PRKCH: variants seen among roughly 807,000 people sequenced by gnomAD.
The protein encoded by PRKCH is protein kinase C eta type.
Under a neutral mutation model 82.5 loss-of-function variants are expected in PRKCH, and 28 were observed. The observed-to-expected ratio is 0.34, with a 90% confidence interval of 0.25 to 0.47. The LOEUF is 0.47. Among genes scored for constraint, PRKCH ranks in the 20% least tolerant of loss-of-function variants. The probability of loss-of-function intolerance (pLI) is 1.00; values close to 1 mark genes in which losing one functional copy is unlikely to be tolerated. For missense variants in PRKCH, 705 were observed against 881.8 expected (o/e 0.80, Z 2.54); for synonymous variants, 322 against 327.4 (o/e 0.98, Z 0.18).
intron 9 of PRKCH, among the ~76,000 whole-genome samples, chr14:61,474,334 G>A (rs1885633986): frequency 6.6e-6 from 1 of 152,186 alleles, no homozygotes; most frequent in Non-Finnish European, 1.5e-5. Flanking sequence ...CTTTTAAGCT[G>A]TTTCTGATGA....
At chr14:61,450,591 A>C (rs897857941) in intron 5 of PRKCH, among the ~76,000 whole-genome samples, 2 of 152,330 alleles carry the variant, frequency 1.3e-5, no homozygotes, top group South Asian at 4.1e-4. Context: ...TGAAAATCTT[A>C]ATTTTTATTT....
chr14:61,530,697 TCTAA>T (rs2043035046), intron 12 of PRKCH, 102 bp downstream of exon 12: 2 of 1,095,162 alleles, frequency 1.8e-6, no homozygotes, highest in Non-Finnish European at 2.5e-6. Flanking sequence ...AACCACTAGC[TCTAA>T]CTAAAATTTG....
At chr14:61,244,570 A>C (rs1295269208) in intron 1 of PRKCH, among the ~76,000 whole-genome samples, 2 of 152,168 alleles carry the variant, frequency 1.3e-5, no homozygotes, top group Non-Finnish European at 2.9e-5. Context: ...AGTGCTCCTA[A>C]ATCAACTGGG....
intron 10 of PRKCH, among the ~76,000 whole-genome samples, chr14:61,505,667 G>A (rs1053589037): frequency 6.6e-5 from 10 of 152,008 alleles, no homozygotes; most frequent in South Asian, 6.2e-4. Flanking sequence ...GAGCCACCAC[G>A]CCCAGCCGGA....
chr14:61,311,056 C>T lies in PRKCH; in HGVS notation c.-19+123388C>T, dbSNP rs1012792027. On this transcript the variant is annotated intron_variant, in intron 1 of 3. Transcript: ENST00000555185. ...CTGCACAGAGCAGAAGGGCCCTGGGCCTGGCCCATGAAACCAAGTTTTCCT... is the reference window on the plus strand; with the variant it reads ...CTGCACAGAGCAGAAGGGCCCTGGGTCTGGCCCATGAAACCAAGTTTTCCT... Among the ~76,000 whole-genome samples, 6 of 152,230 alleles carry T rather than the reference C, an allele frequency of 3.9e-5. No homozygotes were observed. In the East Asian group the frequency reaches 5.8e-4, roughly 15 times the overall value.
intron 10 of PRKCH, among the ~76,000 whole-genome samples, chr14:61,525,975 C>T (rs535144340): frequency 3.5e-4 from 53 of 152,230 alleles, no homozygotes; most frequent in Admixed American, 1.0e-3. Context: ...ACTGTGTGCC[C>T]GCAGTCCCAG....
intron 4 of PRKCH, among the ~76,000 whole-genome samples, chr14:61,446,867 A>G (rs1010189100): frequency 3.3e-5 from 5 of 152,256 alleles, no homozygotes; most frequent in African/African-American, 9.6e-5. Context: ...AGTTTAAAAC[A>G]TGGGATTTAA....
chr14:61,213,211 C>T (rs942931887), intron 1 of PRKCH, among the ~76,000 whole-genome samples: 7 of 152,192 alleles, frequency 4.6e-5, no homozygotes, highest in Admixed American at 3.9e-4. Flanking sequence ...GAAACTCCCG[C>T]CTTACCCTCT....
chr14:61,246,893 A>C (rs1001703522), intron 1 of PRKCH, among the ~76,000 whole-genome samples: 57 of 152,258 alleles, frequency 3.7e-4, no homozygotes, highest in African/African-American at 1.3e-3. Flanking sequence ...CGGCCATGTC[A>C]GCACTTTTTC....
chr14:61,417,433 A>C (rs1424059633), intron 2 of PRKCH, among the ~76,000 whole-genome samples: 1 of 152,234 alleles, frequency 6.6e-6, no homozygotes, highest in African/African-American at 2.4e-5. Context: ...GGTCTGGCTT[A>C]GTGGTTTCTA....
At chr14:61,423,762 G>A (rs1882976418) in intron 2 of PRKCH, among the ~76,000 whole-genome samples, 1 of 152,212 alleles carries the variant, frequency 6.6e-6, no homozygotes, top group Non-Finnish European at 1.5e-5. Flanking sequence ...TTGGGGATGT[G>A]TGGCACATTC....
intron 10 of PRKCH, among the ~76,000 whole-genome samples, chr14:61,516,414 TTC>T (rs1310037132): frequency 1.3e-5 from 2 of 152,200 alleles, no homozygotes; most frequent in Admixed American, 6.5e-5. Flanking sequence ...GGTTTTTGAA[TTC>T]TGTTTACTTT....
chr14:61,211,320 C>T (rs1296544675), intron 1 of PRKCH, among the ~76,000 whole-genome samples: 1 of 152,188 alleles, frequency 6.6e-6, no homozygotes, highest in African/African-American at 2.4e-5. Context: ...ACCTTCGGAG[C>T]CTCAACATGG....
chr14:61,232,146 C>T (rs1430560452), intron 1 of PRKCH, among the ~76,000 whole-genome samples: 3 of 152,240 alleles, frequency 2.0e-5, no homozygotes, highest in African/African-American at 7.2e-5. Flanking sequence ...CACAATCCCC[C>T]ACTACGGTTT....
chr14:61,295,184 A>C (rs2045396866), intron 1 of PRKCH, among the ~76,000 whole-genome samples: 1 of 152,190 alleles, frequency 6.6e-6, no homozygotes, highest in Non-Finnish European at 1.5e-5. Flanking sequence ...TATCTTCTAA[A>C]AAATAATGTA....
intron 10 of PRKCH, among the ~76,000 whole-genome samples, chr14:61,495,027 G>GT (rs1886606622): frequency 6.6e-6 from 1 of 152,188 alleles, no homozygotes; most frequent in South Asian, 2.1e-4. Flanking sequence ...AATTTCAACA[G>GT]TTTCTAATGT....
intron 2 of PRKCH, among the ~76,000 whole-genome samples, chr14:61,397,871 C>G (rs1239056681): frequency 6.6e-6 from 1 of 152,116 alleles, no homozygotes; most frequent in South Asian, 2.1e-4. Flanking sequence ...ACAGATGAAC[C>G]TACTCAAAAC....
intron 1 of PRKCH, among the ~76,000 whole-genome samples, chr14:61,195,314 G>T (rs549985157): frequency 6.6e-6 from 1 of 152,058 alleles, no homozygotes; most frequent in Non-Finnish European, 1.5e-5. Flanking sequence ...CACCTTCAAG[G>T]ATAGATTACC....
At chr14:61,296,402 C>T (rs1357238812) in intron 1 of PRKCH, among the ~76,000 whole-genome samples, 1 of 152,194 alleles carries the variant, frequency 6.6e-6, no homozygotes, top group Non-Finnish European at 1.5e-5. Flanking sequence ...GTACCACTTC[C>T]ACACTTATGC....
Sources: gnomAD v4.1 joint callset for allele counts (sites outside exome capture counted in the v4.1 genomes callset) on GRCh38, gnomAD v4.1.1 for gene constraint, MANE v1.5 for transcripts, NCBI Gene and HGNC (gene_info 2026-07-23, HGNC 2026-07-21) for gene names.